SLC38A8: variants seen among roughly 807,000 people sequenced by gnomAD.
SLC38A8 encodes the protein amino acid transporter SLC38A8.
In SLC38A8, 65 loss-of-function variants were observed where a neutral mutation model predicts 46.0. That is an observed-to-expected ratio of 1.41 (90% confidence interval 1.16 to 1.74). SLC38A8 has a LOEUF of 1.74. Ranked by LOEUF, SLC38A8 falls within the 40% of genes most tolerant of loss-of-function variation. The probability of loss-of-function intolerance (pLI) is 0.00; values close to 1 mark genes in which losing one functional copy is unlikely to be tolerated. For missense variants in SLC38A8, 998 were observed against 567.9 expected (o/e 1.76, Z -7.70); for synonymous variants, 447 against 243.7 (o/e 1.83, Z -7.77).
chr16:84,025,034 C>A (rs1386252401), intron 6 of SLC38A8, among the ~76,000 whole-genome samples: 1 of 152,126 alleles, frequency 6.6e-6, no homozygotes, highest in Non-Finnish European at 1.5e-5. Flanking sequence ...GCCCATGAGT[C>A]ATGTGAATTC....
At chr16:84,029,238 C>G (rs1026895869) in intron 6 of SLC38A8, among the ~76,000 whole-genome samples, 2 of 152,314 alleles carry the variant, frequency 1.3e-5, no homozygotes, top group African/African-American at 4.8e-5. Context: ...AAACATGGTG[C>G]TGCTTTTGGC....
intron 2 of SLC38A8, among the ~76,000 whole-genome samples, chr16:84,039,249 G>T (rs907144884): frequency 6.6e-6 from 1 of 152,166 alleles, no homozygotes; most frequent in Non-Finnish European, 1.5e-5. Flanking sequence ...TACATTTCCA[G>T]TGTTTTAAGC....
rs753130535 is a variant in SLC38A8, at chr16:84,017,159, T to TGG, written c.932_933dup (p.Ile312ProfsTer10). 1 of 1,614,012 alleles carries TGG rather than the reference T, an allele frequency of 6.2e-7. No individual in the cohort carries two copies. Among genetic ancestry groups the TGG allele is most frequent in the South Asian group, 1.1e-5 (1 of 91,074 alleles). ...CCTCACCTCCCCAGGAAGAGCACGA[T>TGG]GGGGTAGACAGTTACGATGGAGACA... is the stretch of plus-strand genomic sequence containing the variant. On this transcript the variant is annotated frameshift_variant, in exon 8 of 11. Coordinates refer to ENST00000299709, the MANE Select transcript of SLC38A8 (RefSeq NM_001080442.3). LOFTEE classifies it high-confidence loss of function.
At chr16:84,019,977 G>A (rs1245061939) in intron 7 of SLC38A8, among the ~76,000 whole-genome samples, 1 of 152,210 alleles carries the variant, frequency 6.6e-6, no homozygotes, top group Non-Finnish European at 1.5e-5. Context: ...TGTTCACAGG[G>A]GTTGGCACCT....
chr16:84,021,521 C>A lies in SLC38A8; in HGVS notation c.805+1254G>T, dbSNP rs536228825. ...TGAAACCTCCTCAGAACAGACTTTA[C>A]TATCCATATTTCCATGACTAACTAG... On this transcript the variant is annotated intron_variant, in intron 7 of 10. Coordinates refer to ENST00000299709, the MANE Select transcript of SLC38A8 (RefSeq NM_001080442.3). 2.0e-5 allele frequency among the ~76,000 whole-genome samples: 3 copies of A among 152,310 alleles called. No individual in the cohort carries two copies. The East Asian group carries it at 5.8e-4, about 29-fold the overall frequency.
At chr16:84,034,595 A>C (rs1408300334) in intron 3 of SLC38A8, among the ~76,000 whole-genome samples, 2 of 152,186 alleles carry the variant, frequency 1.3e-5, no homozygotes, top group Non-Finnish European at 2.9e-5. Flanking sequence ...GAGGTGTCTT[A>C]AGTGCTTCTT....
intron 7 of SLC38A8, among the ~76,000 whole-genome samples, chr16:84,018,223 CTTTTTTTTTTTT>C (rs796178053): frequency 6.3e-5 from 5 of 79,904 alleles, no homozygotes; most frequent in Non-Finnish European, 8.7e-5. Context: ...GCCCTCATTC[CTTTTTTTTTTTT>C]TTTTTTTTTT....
At chr16:84,016,453 G>C (rs1370076464) in intron 9 of SLC38A8, 66 bp downstream of exon 9, 1 of 1,552,726 alleles carries the variant, frequency 6.4e-7, no homozygotes, top group East Asian at 2.3e-5. Flanking sequence ...TCCAACACTG[G>C]GAGTCCCCAC....
intron 9 of SLC38A8, among the ~76,000 whole-genome samples, chr16:84,013,374 G>A (rs1942127938): frequency 6.6e-6 from 1 of 151,472 alleles, no homozygotes; most frequent in South Asian, 2.1e-4. Flanking sequence ...TGACACCCGG[G>A]AAGTGCTCGG....
chr16:84,018,053 A>G (rs1356073243), intron 7 of SLC38A8, among the ~76,000 whole-genome samples: 3 of 152,104 alleles, frequency 2.0e-5, no homozygotes, highest in Admixed American at 6.6e-5. Flanking sequence ...AGAATACCTG[A>G]AACTGGGCAT....
chr16:84,038,654 T>C (rs774995387), intron 2 of SLC38A8, among the ~76,000 whole-genome samples: 1 of 152,228 alleles, frequency 6.6e-6, no homozygotes, highest in Non-Finnish European at 1.5e-5. Flanking sequence ...AATGCACATG[T>C]GCCAGCCAAA....
intron 6 of SLC38A8, among the ~76,000 whole-genome samples, chr16:84,024,532 G>A (rs1213971867): frequency 6.6e-6 from 1 of 151,884 alleles, no homozygotes; most frequent in African/African-American, 2.4e-5. Context: ...TGTAATCCCA[G>A]CACTTTGGGA....
Position 84,013,036 on chromosome 16 carries a change from A to G in SLC38A8, c.1179T>C (p.Cys393=). Residue 393 remains cysteine, a synonymous_variant, in exon 10 of 11, where the codon TGT becomes TGC. Coordinates refer to ENST00000299709, the MANE Select transcript of SLC38A8 (RefSeq NM_001080442.3). ...IFIFPGLCLI[C]AMGVEPIGPR... ...GTCCTATAGGCTCGACACCCATTGC[A>G]CAGATGAGGCACAAACCTGCAAAAA... 6.2e-7 allele frequency: 1 copy of G among 1,614,180 alleles called. No individual in the cohort carries two copies. The highest frequency in any genetic ancestry group is 1.7e-5 in the Admixed American group (1 of 60,024).
At chr16:84,011,148 C>A (rs954133274) in intron 10 of SLC38A8, among the ~76,000 whole-genome samples, 2 of 152,234 alleles carry the variant, frequency 1.3e-5, no homozygotes, top group Non-Finnish European at 2.9e-5. Context: ...ATCCATTCAT[C>A]TGTGCGGGGA....
chr16:84,012,992 G>T lies in SLC38A8; in HGVS notation c.1214+9C>A, dbSNP rs199825635. ...ACCCAGGGTGCCACCTCATCTTAGG[G>T]ACACTTACTTGACTCTTGGTCCTAT... On this transcript the variant is annotated intron_variant, in intron 10 of 10. Coordinates refer to ENST00000299709, the MANE Select transcript of SLC38A8 (RefSeq NM_001080442.3). The T allele has an allele frequency of 5.0e-6, 8 of 1,614,032 alleles. No individual in the cohort carries two copies. In the African/African-American group the frequency reaches 6.7e-5, roughly 13 times the overall value.
At chr16:84,026,737 G>T in intron 6 of SLC38A8, among the ~76,000 whole-genome samples, 1 of 152,218 alleles carries the variant, frequency 6.6e-6, no homozygotes, top group Admixed American at 6.5e-5. Context: ...CACAGATAGG[G>T]TGGCTACAAC....
Position 84,013,046 on chromosome 16 carries a change from C to G in SLC38A8, c.1169G>C (p.Cys390Ser), listed in dbSNP as rs1408988054. The G allele has an allele frequency of 1.2e-6, 2 of 1,613,958 alleles. No individual in the cohort carries two copies. Among genetic ancestry groups the G allele is most frequent in the Non-Finnish European group, 1.7e-6 (2 of 1,179,974 alleles). ...CTCGACACCCATTGCACAGATGAGG[C>G]ACAAACCTGCAAAAAAGACAGGGTC... ...SFFIFIFPGL[C>S]LICAMGVEPI... is the part of the protein sequence containing the mutation. The change falls in exon 10 of 11, where the codon TGC becomes TCC. Residue 390 changes from cysteine to serine, a missense_variant. By Grantham distance (112) the Cys-to-Ser change is moderately radical. Coordinates refer to ENST00000299709, the MANE Select transcript of SLC38A8 (RefSeq NM_001080442.3).
intron 6 of SLC38A8, among the ~76,000 whole-genome samples, chr16:84,025,217 C>T (rs891900488): frequency 2.0e-5 from 3 of 152,158 alleles, no homozygotes; most frequent in African/African-American, 7.2e-5. Flanking sequence ...GGGGCTGGTT[C>T]CCACCATCAC....
chr16:84,039,616 C>A (rs532419135), intron 2 of SLC38A8, among the ~76,000 whole-genome samples: 1 of 152,166 alleles, frequency 6.6e-6, no homozygotes, highest in African/African-American at 2.4e-5. Flanking sequence ...TGTGGCAGCA[C>A]ATGCCTGTAG....
Sources: allele counts gnomAD v4.1 joint callset (sites outside exome capture counted in the v4.1 genomes callset), GRCh38; gene constraint gnomAD v4.1.1; transcripts MANE v1.5; gene names NCBI Gene and HGNC (gene_info 2026-07-23, HGNC 2026-07-21).